FRAS1: variants seen among roughly 807,000 people sequenced by gnomAD.
FRAS1 encodes Fraser extracellular matrix complex subunit 1.
A neutral mutation model predicts 435.2 loss-of-function variants in FRAS1; 290 were observed. That is an observed-to-expected ratio of 0.67 (90% CI 0.61 to 0.73). The LOEUF (loss-of-function observed/expected upper bound fraction) is 0.73, where lower values mean the gene tolerates loss of function less well. Ranked by LOEUF, FRAS1 falls within the 30% of genes least tolerant of loss-of-function variation. The probability of loss-of-function intolerance (pLI) is 0.00; values close to 1 mark genes in which losing one functional copy is unlikely to be tolerated. For missense variants in FRAS1, 4,860 were observed against 5,001.5 expected, an observed-to-expected ratio of 0.97 and a Z score of 0.85; for synonymous variants, 1,800 against 1,851.0, an observed-to-expected ratio of 0.97 and a Z score of 0.71.
At chr4:78,267,065 T>G in intron 8 of FRAS1, 130 bp downstream of exon 8, 1 of 898,364 alleles carries the variant, frequency 1.1e-6, no homozygotes, top group Non-Finnish European at 1.7e-6. Context: ...CATAAAGATA[T>G]GAAGGCTCTG....
At chr4:78,518,266 T>C (rs1352543290) in intron 66 of FRAS1, among the ~76,000 whole-genome samples, 3 of 151,874 alleles carry the variant, frequency 2.0e-5, no homozygotes, top group Non-Finnish European at 4.4e-5. Flanking sequence ...AAAAAAACTT[T>C]AGAAAAATAT....
intron 31 of FRAS1, among the ~76,000 whole-genome samples, chr4:78,411,201 C>G (rs573069134): frequency 7.3e-4 from 111 of 151,698 alleles, no homozygotes; most frequent in Middle Eastern, 3.4e-3. Context: ...ACCTCCACCT[C>G]CCAGGTTCAA....
At chr4:78,486,160 C>A (rs1259443330) in intron 58 of FRAS1, among the ~76,000 whole-genome samples, 1 of 152,186 alleles carries the variant, frequency 6.6e-6, no homozygotes, top group African/African-American at 2.4e-5. Context: ...GAAACAGAGG[C>A]AGGATTTCTC....
chr4:78,358,877 CAT>C (rs1275745268), intron 20 of FRAS1, among the ~76,000 whole-genome samples: 1 of 152,086 alleles, frequency 6.6e-6, no homozygotes, highest in Non-Finnish European at 1.5e-5. Context: ...TCCCTAATGA[CAT>C]GTGGGAATGC....
intron 26 of FRAS1, among the ~76,000 whole-genome samples, chr4:78,376,761 C>G (rs1050287688): frequency 2.0e-5 from 3 of 152,100 alleles, no homozygotes; most frequent in Non-Finnish European, 2.9e-5. Context: ...GAGGCCGAGG[C>G]AGGCAGATCA....
Position 78,522,675 on chromosome 4 carries a change from C to T in FRAS1, c.10675C>T (p.Leu3559Phe). The T allele has an allele frequency of 6.2e-7, 1 of 1,607,482 alleles. No homozygotes were observed. The highest frequency in any genetic ancestry group is 8.5e-7 in the Non-Finnish European group (1 of 1,176,516). The change falls in exon 69 of 74, where the codon CTC becomes TTC. Residue 3559 changes from leucine (L) to phenylalanine (F), a missense_variant. Transcript: ENST00000512123. Reference protein sequence around the residue: ...RGQFVMEHHTLPEVKSFVLTP... With the variant: ...RGQFVMEHHTFPEVKSFVLTP... Reference sequence around the variant, plus strand: ...ACAGTTTGTGATGGAGCATCACACTCTCCCAGAAGTGAAATCTTTCGTATT... The same window carrying T: ...ACAGTTTGTGATGGAGCATCACACTTTCCCAGAAGTGAAATCTTTCGTATT...
intron 6 of FRAS1, among the ~76,000 whole-genome samples, chr4:78,263,176 A>C (rs1441940088): frequency 6.6e-6 from 1 of 152,024 alleles, no homozygotes; most frequent in Non-Finnish European, 1.5e-5. Flanking sequence ...CCACCTCCCT[A>C]CTCAGCTTCT....
At chr4:78,158,054 G>C (rs1334393729) in intron 2 of FRAS1, among the ~76,000 whole-genome samples, 1 of 152,118 alleles carries the variant, frequency 6.6e-6, no homozygotes, top group Non-Finnish European at 1.5e-5. Flanking sequence ...ACCAGTACCA[G>C]CATGGTACTG....
chr4:78,090,203 A>T (rs2109896690), intron 2 of FRAS1, among the ~76,000 whole-genome samples: 1 of 152,292 alleles, frequency 6.6e-6, no homozygotes, highest in Non-Finnish European at 1.5e-5. Context: ...CTAGCAAAAC[A>T]CACAAATGGT....
intron 37 of FRAS1, among the ~76,000 whole-genome samples, chr4:78,430,915 A>G (rs1194661916): frequency 2.0e-5 from 3 of 152,232 alleles, no homozygotes; most frequent in Non-Finnish European, 2.9e-5. Flanking sequence ...TCGGCTTTCC[A>G]AAATAACTCT....
chr4:78,145,021 A>G (rs1425407948), intron 2 of FRAS1, among the ~76,000 whole-genome samples: 2 of 152,232 alleles, frequency 1.3e-5, no homozygotes, highest in African/African-American at 4.8e-5. Flanking sequence ...ATTCATTTCT[A>G]ATGCTTCCTA....
intron 69 of FRAS1, among the ~76,000 whole-genome samples, 195 bp downstream of exon 69, chr4:78,523,003 A>G (rs572025300): frequency 7.7e-4 from 118 of 152,310 alleles, no homozygotes; most frequent in Admixed American, 1.7e-3. Flanking sequence ...TGAACTCAGG[A>G]GTGCGAAGCT....
chr4:78,185,771 A>G (rs1240810943), intron 2 of FRAS1, among the ~76,000 whole-genome samples: 5 of 152,200 alleles, frequency 3.3e-5, no homozygotes, highest in African/African-American at 1.2e-4. Flanking sequence ...CTTCTTGAAA[A>G]TCATCAACCT....
At chr4:78,494,149 A>T (rs1212273514) in intron 59 of FRAS1, among the ~76,000 whole-genome samples, 1 of 152,098 alleles carries the variant, frequency 6.6e-6, no homozygotes, top group Non-Finnish European at 1.5e-5. Context: ...ATACAGTTTT[A>T]ATTTCTAAAA....
chr4:78,323,371 G>A (rs1273627460), intron 18 of FRAS1, among the ~76,000 whole-genome samples: 1 of 152,122 alleles, frequency 6.6e-6, no homozygotes, highest in Non-Finnish European at 1.5e-5. Flanking sequence ...GTTTAGCTGA[G>A]TGTTTGCTAG....
chr4:78,250,691 A>G (rs1477621542), intron 4 of FRAS1, among the ~76,000 whole-genome samples: 4 of 152,206 alleles, frequency 2.6e-5, no homozygotes, highest in Admixed American at 6.5e-5. Flanking sequence ...AAGTGTGATT[A>G]TACTGGGGAG....
chr4:78,366,293 TC>T (rs1731265068), intron 22 of FRAS1, among the ~76,000 whole-genome samples: 1 of 152,204 alleles, frequency 6.6e-6, no homozygotes, highest in Non-Finnish European at 1.5e-5. Flanking sequence ...GGAGGAGAAT[TC>T]CAGAGTTACT....
At chr4:78,513,079 T>A (rs543199652) in intron 64 of FRAS1, among the ~76,000 whole-genome samples, 1 of 152,224 alleles carries the variant, frequency 6.6e-6, no homozygotes, top group Admixed American at 6.5e-5. Flanking sequence ...AATAACAGAG[T>A]TTCCATTAAA....
At chr4:78,436,443 C>T (rs2059617986) in intron 38 of FRAS1, among the ~76,000 whole-genome samples, 1 of 152,080 alleles carries the variant, frequency 6.6e-6, no homozygotes. Flanking sequence ...ATTCATATAC[C>T]CTAACCATTC....
Sources: gnomAD v4.1 joint callset for allele counts (sites outside exome capture counted in the v4.1 genomes callset) on GRCh38, gnomAD v4.1.1 for gene constraint, MANE v1.5 for transcripts, NCBI Gene and HGNC (gene_info 2026-07-23, HGNC 2026-07-21) for gene names.